Variants in SYT16 observed in about 807,000 individuals in gnomAD.
SYT16 encodes synaptotagmin 16.
In SYT16, 42 loss-of-function variants were observed where a neutral mutation model predicts 61.4. The ratio of observed to expected loss-of-function variants is 0.68; its 90% CI spans 0.53 to 0.89. The LOEUF is 0.89. SYT16 is among the 40% of genes least tolerant of loss of function. SYT16 has a pLI of 0.00. For missense variants in SYT16, 804 were observed against 807.3 expected, an observed-to-expected ratio of 1.00 and a Z score of 0.05; for synonymous variants, 314 against 302.3, an observed-to-expected ratio of 1.04 and a Z score of -0.40.
chr14:61,907,444 C>T (rs2048765721), intron 1 of SYT16, among the ~76,000 whole-genome samples: 1 of 152,194 alleles, frequency 6.6e-6, no homozygotes, highest in Non-Finnish European at 1.5e-5. Flanking sequence ...TAGGTTTTGG[C>T]ATCAGGCATT....
chr14:62,004,263 C>A (rs114884547), intron 3 of SYT16, among the ~76,000 whole-genome samples: 4 of 152,006 alleles, frequency 2.6e-5, no homozygotes, highest in Admixed American at 2.6e-4. Flanking sequence ...AGAGAGAGAG[C>A]GCACAAGCGA....
chr14:61,874,099 T>C (rs2047413280), intron 1 of SYT16, among the ~76,000 whole-genome samples: 1 of 152,258 alleles, frequency 6.6e-6, no homozygotes, highest in Non-Finnish European at 1.5e-5. Flanking sequence ...GAGCTGCTGA[T>C]GGCACCAGCG....
intron 1 of SYT16, among the ~76,000 whole-genome samples, chr14:61,893,978 C>A (rs1175763570): frequency 1.3e-5 from 2 of 152,160 alleles, no homozygotes; most frequent in African/African-American, 4.8e-5. Flanking sequence ...TCAGTTCTAC[C>A]CCACAGCTCA....
chr14:61,922,672 G>A (rs954769507), intron 1 of SYT16, among the ~76,000 whole-genome samples: 1 of 152,134 alleles, frequency 6.6e-6, no homozygotes, highest in African/African-American at 2.4e-5. Context: ...ACTTGTACAT[G>A]TGCCCCTGAA....
At chr14:61,918,033 G>C (rs908666806) in intron 1 of SYT16, among the ~76,000 whole-genome samples, 1 of 152,068 alleles carries the variant, frequency 6.6e-6, no homozygotes, top group Non-Finnish European at 1.5e-5. Flanking sequence ...GTGTCCTGTC[G>C]GTATTCAAAG....
At chr14:61,900,485 T>C (rs2048475630) in intron 1 of SYT16, among the ~76,000 whole-genome samples, 1 of 152,214 alleles carries the variant, frequency 6.6e-6, no homozygotes, top group South Asian at 2.1e-4. Flanking sequence ...ACTTCTATTC[T>C]GAAAACAAAT....
intron 3 of SYT16, among the ~76,000 whole-genome samples, chr14:61,998,723 A>G (rs936216824): frequency 7.2e-5 from 11 of 151,938 alleles, no homozygotes; most frequent in African/African-American, 2.7e-4. Context: ...GTGAGAGTGA[A>G]TATCCTTGCC....
intron 1 of SYT16, among the ~76,000 whole-genome samples, chr14:61,871,351 A>T (rs918156960): frequency 3.9e-5 from 6 of 151,918 alleles, no homozygotes; most frequent in African/African-American, 1.5e-4. Context: ...GCTGATCTGT[A>T]CTCAAAGACT....
At chr14:61,989,764 T>C (rs1346679804) in intron 2 of SYT16, among the ~76,000 whole-genome samples, 1 of 152,194 alleles carries the variant, frequency 6.6e-6, no homozygotes, top group African/African-American at 2.4e-5. Flanking sequence ...TTTTGTATGA[T>C]TCTAAAGCTA....
At chr14:62,061,412 TA>T (rs1419967685) in intron 3 of SYT16, among the ~76,000 whole-genome samples, 3 of 152,104 alleles carry the variant, frequency 2.0e-5, no homozygotes, top group Non-Finnish European at 4.4e-5. Flanking sequence ...GTTCATACAT[TA>T]AATGCAAATT....
At chr14:62,069,899 G>A (rs967750657) in intron 4 of SYT16, 84 bp downstream of exon 4, 3 of 1,411,832 alleles carry the variant, frequency 2.1e-6, no homozygotes, top group Non-Finnish European at 2.9e-6. Flanking sequence ...TCTGCACTCT[G>A]CATCTGAGAG....
intron 1 of SYT16, among the ~76,000 whole-genome samples, chr14:61,939,249 G>A (rs1038576069): frequency 1.3e-5 from 2 of 152,206 alleles, no homozygotes; most frequent in African/African-American, 2.4e-5. Flanking sequence ...TCCTGTTCCT[G>A]ATGGATGCAT....
chr14:61,880,521 A>G (rs2047662637), intron 1 of SYT16, among the ~76,000 whole-genome samples: 1 of 152,112 alleles, frequency 6.6e-6, no homozygotes, highest in African/African-American at 2.4e-5. Flanking sequence ...TGGGGTTTTG[A>G]TTGGAGTTTC....
At chr14:61,967,524 G>A (rs1358766067) in intron 1 of SYT16, among the ~76,000 whole-genome samples, 1 of 152,104 alleles carries the variant, frequency 6.6e-6, no homozygotes, top group African/African-American at 2.4e-5. Context: ...CTAGCTTCTG[G>A]TGACTGCTGT....
intron 1 of SYT16, among the ~76,000 whole-genome samples, chr14:61,822,606 A>C: frequency 6.6e-6 from 1 of 152,182 alleles, no homozygotes; most frequent in East Asian, 1.9e-4. Context: ...CTGTAGAAAC[A>C]ATGGCGCTGG....
chr14:61,837,970 A>G (rs971195040), intron 1 of SYT16, among the ~76,000 whole-genome samples: 1 of 152,258 alleles, frequency 6.6e-6, no homozygotes, highest in Non-Finnish European at 1.5e-5. Context: ...TAATAGCTTT[A>G]AACAGAAATA....
intron 3 of SYT16, among the ~76,000 whole-genome samples, chr14:62,052,903 A>G (rs2140894729): frequency 6.6e-6 from 1 of 152,356 alleles, no homozygotes; most frequent in East Asian, 1.9e-4. Flanking sequence ...TCTGCTGTTT[A>G]TAAATCTTTC....
At chr14:62,069,102 C>T (rs1475763308) in intron 3 of SYT16, among the ~76,000 whole-genome samples, 1 of 152,034 alleles carries the variant, frequency 6.6e-6, no homozygotes, top group African/African-American at 2.4e-5. Context: ...GGTGGGGTCT[C>T]TTTTCAAAAC....
At chr14:62,011,920 C>CATATATATATATATATATAT (rs1165099592) in intron 3 of SYT16, among the ~76,000 whole-genome samples, 134 of 104,572 alleles carry the variant, frequency 1.3e-3, no homozygotes, top group African/African-American at 5.4e-3. Flanking sequence ...TATACACACA[C>CATATATATATATATATATAT]ACACACATAT....
Sources: allele counts gnomAD v4.1 joint callset (sites outside exome capture counted in the v4.1 genomes callset), GRCh38; gene constraint gnomAD v4.1.1; transcripts MANE v1.5; gene names NCBI Gene and HGNC (gene_info 2026-07-23, HGNC 2026-07-21).